The following LHX3 variants were observed in gnomAD, a reference collection of about 807,000 sequenced individuals.
The protein encoded by LHX3 is LIM/homeobox protein Lhx3.
LHX3 carries 21 observed loss-of-function variants against 32.4 expected under a neutral mutation model. That is an observed-to-expected ratio of 0.65 (90% CI 0.46 to 0.93). The LOEUF (loss-of-function observed/expected upper bound fraction) is 0.93, where lower values mean the gene tolerates loss of function less well. Among genes scored for constraint, LHX3 ranks in the 40% least tolerant of loss-of-function variants. The pLI, the probability that LHX3 is intolerant of heterozygous loss-of-function variation, is 0.00. For synonymous variants in LHX3, 258 were observed against 246.8 expected (o/e 1.05, Z -0.43); for missense variants, 626 against 560.0 (o/e 1.12, Z -1.19).
Position 136,196,546 on chromosome 9 carries a change from G to A in LHX3, c.*779C>T, listed in dbSNP as rs1325288941. 6.5e-6 allele frequency: 1 copy of A among 152,974 alleles called. No homozygotes were observed. Among genetic ancestry groups the A allele is most frequent in the Non-Finnish European group, 1.5e-5 (1 of 68,142 alleles). The allele number at this position is 152,974 out of a possible 1,614,324, so 9.5% of individuals were successfully genotyped here. On this transcript the variant is annotated 3_prime_UTR_variant, in exon 6 of 6. Coordinates refer to ENST00000371748, the MANE Select transcript of LHX3 (RefSeq NM_178138.6). ...GGGCTGGCAGAGCCGGCTCCGGCAG[G>A]GAGGGCAGGCTGTTTGGCAACAGAC...
chr9:136,197,630 G>C lies in LHX3; in HGVS notation c.889C>G (p.His297Asp). 6.3e-7 allele frequency: 1 copy of C among 1,580,986 alleles called. No homozygotes were observed. The highest frequency in any genetic ancestry group is 8.6e-7 in the Non-Finnish European group (1 of 1,165,026). The change falls in exon 6 of 6, where the codon CAT becomes GAT. Residue 297 changes from histidine (H) to aspartate (D), a missense_variant. Physicochemically the swap from His to Asp is moderately conservative, Grantham distance 81. Transcript: ENST00000371748. The part of the protein sequence containing the change: ...SGALGNFSLE[H>D]GGLAGPEQYR... The stretch of plus-strand genomic sequence containing the variant: ...TGCTCTGGGCCTGCCAGGCCTCCAT[G>C]CTCCAGGGAGAAGTTGCCCAGGGCT...
chr9:136,199,573 A>G, intron 3 of LHX3, 105 bp downstream of exon 3: 1 of 1,239,432 alleles, frequency 8.1e-7, no homozygotes, highest in East Asian at 2.4e-5. Flanking sequence ...AGGCCCCCTT[A>G]GTGAGCGCTT....
chr9:136,197,712 G>A lies in LHX3; in HGVS notation c.807C>T (p.Ala269=), dbSNP rs1240586838. 1.2e-6 allele frequency: 2 copies of A among 1,605,074 alleles called. No homozygotes were observed. The highest frequency in any genetic ancestry group is 1.7e-6 in the Non-Finnish European group (2 of 1,179,808). ...CCCCCAAGCTCCCGTAGAGGCCATTGGCCGGGCCCATTTCCGCCAAGGAAG... is the reference window on the plus strand; with the variant it reads ...CCCCCAAGCTCCCGTAGAGGCCATTAGCCGGGCCCATTTCCGCCAAGGAAG... ...DEPSLAEMGP[A]NGLYGSLGEP... Residue 269 remains alanine (A), a synonymous_variant, in exon 6 of 6, where the codon GCC becomes GCT. Transcript: ENST00000371748.
intron 5 of LHX3, 81 bp from the exon 6 acceptor site, chr9:136,197,824 C>A: frequency 1.4e-5 from 21 of 1,495,256 alleles, no homozygotes; most frequent in Non-Finnish European, 1.9e-5. Context: ...GCGGAGGCAC[C>A]CCTGGGTCGG....
intron 1 of LHX3, chr9:136,201,140 T>C (rs1011252700): frequency 9.4e-6 from 13 of 1,386,072 alleles, no homozygotes; most frequent in African/African-American, 7.3e-5. Context: ...GCAGGAAACA[T>C]AGGGAAACGG....
At chr9:136,198,174 G>C (rs1831542867) in intron 5 of LHX3, among the ~76,000 whole-genome samples, 1 of 152,198 alleles carries the variant, frequency 6.6e-6, no homozygotes, top group South Asian at 2.1e-4. Flanking sequence ...TGGGGACGCA[G>C]CATCCCCGGT....
intron 2 of LHX3, 39 bp from the exon 3 acceptor site, chr9:136,199,919 G>C: frequency 6.5e-7 from 1 of 1,545,966 alleles, no homozygotes; most frequent in Non-Finnish European, 8.7e-7. Flanking sequence ...GCGGAAGCGC[G>C]AGGCTCATTT....
At chr9:136,201,249 C>A in intron 1 of LHX3, 1 of 1,287,358 alleles carries the variant, frequency 7.8e-7, no homozygotes, top group Non-Finnish European at 9.8e-7. Flanking sequence ...ATGTGGCTGC[C>A]CTGCCTGGTG....
rs1366927708 is a variant in LHX3 at position 136,202,974 on chromosome 9, C to T, written c.79+1960G>A. 4 of 1,529,882 alleles carry T rather than the reference C, an allele frequency of 2.6e-6. No homozygotes were observed. The highest frequency in any genetic ancestry group is 3.9e-5 in the Admixed American group (2 of 50,770). 94.8% of individuals were successfully genotyped at this position (1,529,882 alleles called of 1,614,324 possible). A position where few individuals can be genotyped will look rare whatever the true frequency, so the allele number is the denominator to read the frequency against. Reference sequence around the variant, plus strand: ...GGCGCAGGTCCGCCCTCCGCGCCAGCAGTGCTAGCAGCAGGTCGCCTCCCG... The same window carrying T: ...GGCGCAGGTCCGCCCTCCGCGCCAGTAGTGCTAGCAGCAGGTCGCCTCCCG... On this transcript the variant is annotated intron_variant, in intron 1 of 5. Transcript: ENST00000371748.
intron 1 of LHX3, among the ~76,000 whole-genome samples, chr9:136,203,452 A>G (rs917071558): frequency 7.2e-5 from 11 of 152,170 alleles, no homozygotes; most frequent in African/African-American, 2.7e-4. Context: ...GAGCTGGAGC[A>G]CACGCCAGGA....
chr9:136,201,749 C>T (rs1212602731), intron 1 of LHX3: 8 of 967,918 alleles, frequency 8.3e-6, no homozygotes, highest in Non-Finnish European at 7.4e-6. Context: ...CACGCAGTGG[C>T]GGGAAACCGG....
intron 4 of LHX3, 34 bp from the exon 5 acceptor site, chr9:136,198,854 T>C (rs1232643269): frequency 6.3e-7 from 1 of 1,596,070 alleles, no homozygotes; most frequent in Non-Finnish European, 8.5e-7. Flanking sequence ...GCCGCCCGGC[T>C]CTGCGGGGGC....
Position 136,204,838 on chromosome 9 carries a change from AC to A in LHX3, c.79+95del, listed in dbSNP as rs1831719671. The stretch of plus-strand genomic sequence containing the variant: ...TGTGTCCCGCCTGCAGAGCGGCGGG[AC>A]TTTCTTTGCCTGGCCGCTGGCCCTG... On this transcript the variant is annotated intron_variant, in intron 1 of 5. Transcript: ENST00000371748. 3.0e-6 allele frequency: 3 copies of A among 985,642 alleles called. No individual in the cohort carries two copies. The Admixed American group carries it at 6.3e-5, about 21-fold the overall frequency. The allele number at this position is 985,642 out of a possible 1,614,324, so 61.1% of individuals were successfully genotyped here. A position where few individuals can be genotyped will look rare whatever the true frequency, so the allele number is the denominator to read the frequency against.
At chr9:136,201,555 T>A (rs1019204184) in intron 1 of LHX3, 1 of 1,089,350 alleles carries the variant, frequency 9.2e-7, no homozygotes, top group Non-Finnish European at 1.1e-6. Context: ...GAGGACTCCC[T>A]CTTCACTTAG....
At chr9:136,201,425 T>A in intron 1 of LHX3, 1 of 1,228,400 alleles carries the variant, frequency 8.1e-7, no homozygotes. Flanking sequence ...TCCCGCTGCT[T>A]CTGCCCCCCA....
intron 5 of LHX3, 150 bp from the exon 6 acceptor site, chr9:136,197,893 G>A: frequency 1.2e-6 from 1 of 836,086 alleles, no homozygotes; most frequent in Non-Finnish European, 1.9e-6. Flanking sequence ...TCTACTGTTG[G>A]AGCATGGCTG....
rs138595537 is a variant in LHX3, at chr9:136,198,722, G to A, written c.705C>T (p.Arg235=). The A allele has an allele frequency of 3.1e-6, 5 of 1,611,486 alleles. No homozygotes were observed. Among genetic ancestry groups the A allele is most frequent in the Non-Finnish European group, 4.2e-6 (5 of 1,179,800 alleles). Residue 235 remains arginine, a synonymous_variant, in exon 5 of 6, where the codon CGC becomes CGT. Coordinates refer to ENST00000371748, the MANE Select transcript of LHX3 (RefSeq NM_178138.6). The part of the protein sequence containing the change: ...GQYFRNMKRS[R]GGSKSDKDSV... ...TGTCCTTGTCCGACTTGGAGCCGCC[G>A]CGGGAGCGCTTCATGTTGCGGAAAT... is the stretch of plus-strand genomic sequence containing the variant.
At chr9:136,204,842 T>C in intron 1 of LHX3, 92 bp downstream of exon 1, 1 of 1,076,154 alleles carries the variant, frequency 9.3e-7, no homozygotes, top group Non-Finnish European at 1.4e-6. Flanking sequence ...GGCGGGACTT[T>C]CTTTGCCTGG....
At chr9:136,198,629 A>C (rs757455994) in intron 5 of LHX3, 23 bp downstream of exon 5, 2 of 1,507,942 alleles carry the variant, frequency 1.3e-6, no homozygotes, top group Non-Finnish European at 8.9e-7. Context: ...TCCCCCCCCG[A>C]GCTCCGCGAT....
Sources: gnomAD v4.1 joint callset for allele counts (sites outside exome capture counted in the v4.1 genomes callset) on GRCh38, gnomAD v4.1.1 for gene constraint, MANE v1.5 for transcripts, NCBI Gene and HGNC (gene_info 2026-07-23, HGNC 2026-07-21) for gene names.